Variants in SLC14A2 observed in about 807,000 individuals in gnomAD.
SLC14A2 encodes urea transporter 2.
SLC14A2 carries 91 observed loss-of-function variants against 104.6 expected under a neutral mutation model. The ratio of observed to expected loss-of-function variants is 0.87; its 90% CI spans 0.73 to 1.04. SLC14A2 has a LOEUF of 1.04. Among genes scored for constraint, SLC14A2 ranks in the 50% least tolerant of loss-of-function variants. The probability of loss-of-function intolerance (pLI) is 0.00; values close to 1 mark genes in which losing one functional copy is unlikely to be tolerated. For synonymous variants in SLC14A2, 476 were observed against 466.4 expected (o/e 1.02, Z -0.27); for missense variants, 1,189 against 1,156.0 (o/e 1.03, Z -0.41).
At chr18:45,455,819 G>A (rs76814186) in intron 1 of SLC14A2, among the ~76,000 whole-genome samples, 2,435 of 152,210 alleles carry the variant, frequency 0.016, 61 homozygotes, top group African/African-American at 0.055. Context: ...ATACATTTAC[G>A]TATATTAGAC....
the SLC14A2 span, among the ~76,000 whole-genome samples, chr18:45,187,942 C>T: frequency 3.2e-3 from 486 of 152,036 alleles, 2 homozygotes; most frequent in African/African-American, 0.011. Context: ...ATAGTAGGTT[C>T]CATTTTTTTT....
At chr18:45,594,955 G>A (rs2044700480) in intron 2 of SLC14A2, among the ~76,000 whole-genome samples, 1 of 152,036 alleles carries the variant, frequency 6.6e-6, no homozygotes, top group African/African-American at 2.4e-5. Context: ...ACCCCTGTGA[G>A]ACTTCATCCC....
intron 1 of SLC14A2, among the ~76,000 whole-genome samples, chr18:45,229,319 T>A (rs2084151497): frequency 6.6e-6 from 1 of 152,108 alleles, no homozygotes; most frequent in Non-Finnish European, 1.5e-5. Context: ...AGGTTAAATA[T>A]TAAGGAAAAG....
At chr18:45,384,736 G>C (rs2085876059) in intron 1 of SLC14A2, among the ~76,000 whole-genome samples, 1 of 152,074 alleles carries the variant, frequency 6.6e-6, no homozygotes. Context: ...ATCTCATGTT[G>C]CAAGTGGAAA....
In SLC14A2 at chr18:45,380,558, CT is replaced by C. The variant is rs113873382; in HGVS notation, c.-124-102674del. ...CTATAGTGAGAATGAGAATCTGCAA[CT>C]AGTAAAAAAAGTGGAATGCATTCAT... On this transcript the variant is annotated intron_variant, in intron 1 of 20. Transcript: ENST00000586448. Among the ~76,000 whole-genome samples, 423 of 152,224 alleles carry C rather than the reference CT, an allele frequency of 2.8e-3. 1 individual carries two copies. Among genetic ancestry groups the C allele is most frequent in the African/African-American group, 9.6e-3 (398 of 41,538 alleles).
chr18:45,657,309 T>TAAAAATAC (rs1255728672), intron 10 of SLC14A2, among the ~76,000 whole-genome samples: 2 of 148,914 alleles, frequency 1.3e-5, no homozygotes, highest in African/African-American at 2.5e-5. Flanking sequence ...CCATCTCTAC[T>TAAAAATAC]AAAAATACAA....
chr18:45,581,479 G>C (rs1335494514), intron 2 of SLC14A2, among the ~76,000 whole-genome samples: 1 of 152,200 alleles, frequency 6.6e-6, no homozygotes, highest in Non-Finnish European at 1.5e-5. Context: ...AAAGCTAGAA[G>C]TCAATGGAGA....
At chr18:45,224,812 T>C (rs1599587487) in intron 1 of SLC14A2, among the ~76,000 whole-genome samples, 1 of 152,212 alleles carries the variant, frequency 6.6e-6, no homozygotes, top group African/African-American at 2.4e-5. Flanking sequence ...AGAACTCAGG[T>C]TTGTATCCAT....
intron 1 of SLC14A2, among the ~76,000 whole-genome samples, chr18:45,347,684 T>A (rs2085463473): frequency 6.6e-6 from 1 of 152,216 alleles, no homozygotes; most frequent in African/African-American, 2.4e-5. Context: ...TACCTTATTC[T>A]GATACTTCCA....
intron 1 of SLC14A2, among the ~76,000 whole-genome samples, chr18:45,391,386 A>G (rs1598747987): frequency 6.6e-6 from 1 of 152,228 alleles, no homozygotes; most frequent in African/African-American, 2.4e-5. Flanking sequence ...CAATAAACAT[A>G]CGTATGCATG....
At chr18:45,405,522 A>G (rs1039804892) in intron 1 of SLC14A2, among the ~76,000 whole-genome samples, 2 of 152,200 alleles carry the variant, frequency 1.3e-5, no homozygotes, top group Non-Finnish European at 2.9e-5. Context: ...ATATTATACT[A>G]TATTGTAGTC....
intron 1 of SLC14A2, among the ~76,000 whole-genome samples, chr18:45,263,411 G>A (rs749763479): frequency 2.0e-5 from 3 of 152,150 alleles, no homozygotes; most frequent in Admixed American, 6.6e-5. Flanking sequence ...TGTTTGCCGA[G>A]TTGCTCCACT....
At chr18:45,197,446 T>C in the SLC14A2 span, among the ~76,000 whole-genome samples, 3 of 152,154 alleles carry the variant, frequency 2.0e-5, no homozygotes, top group African/African-American at 7.2e-5. Flanking sequence ...TCCAGCTCTA[T>C]AAACAAGGAA....
Position 45,310,375 on chromosome 18 carries a change from G to A in SLC14A2, c.-125+97184G>A, listed in dbSNP as rs533644340. Reference sequence around the variant, plus strand: ...TGTATCATACTTCGCCAGCCTGATAGGTATGATCATCATTGTTTTGGGCAA... The same window carrying A: ...TGTATCATACTTCGCCAGCCTGATAAGTATGATCATCATTGTTTTGGGCAA... On this transcript the variant is annotated intron_variant, in intron 1 of 20. Coordinates refer to the SLC14A2 transcript ENST00000586448. Among the ~76,000 whole-genome samples, 4 of 152,296 alleles carry A rather than the reference G, an allele frequency of 2.6e-5. No homozygotes were observed. The East Asian group carries it at 7.7e-4, about 29-fold the overall frequency.
chr18:45,640,010 G>A (rs545405727), intron 7 of SLC14A2, 117 bp downstream of exon 7: 5 of 998,804 alleles, frequency 5.0e-6, no homozygotes, highest in African/African-American at 4.9e-5. Context: ...ATACTTTCAG[G>A]GAGACAGGCA....
intron 1 of SLC14A2, among the ~76,000 whole-genome samples, chr18:45,363,881 A>G (rs1223387355): frequency 6.6e-6 from 1 of 152,092 alleles, no homozygotes; most frequent in African/African-American, 2.4e-5. Flanking sequence ...AACAGATGAG[A>G]GGTGAGGCTC....
intron 18 of SLC14A2, among the ~76,000 whole-genome samples, chr18:45,678,120 T>C (rs2046256381): frequency 6.6e-6 from 1 of 152,128 alleles, no homozygotes; most frequent in South Asian, 2.1e-4. Flanking sequence ...CTCCCAGTCG[T>C]GTAACTCATT....
At chr18:45,441,845 C>A (rs533636798) in intron 1 of SLC14A2, among the ~76,000 whole-genome samples, 1 of 152,240 alleles carries the variant, frequency 6.6e-6, no homozygotes, top group South Asian at 2.1e-4. Context: ...AGAAATGAAA[C>A]GAGAAGATTG....
chr18:45,604,313 G>T (rs2044833820), intron 2 of SLC14A2, among the ~76,000 whole-genome samples: 1 of 152,142 alleles, frequency 6.6e-6, no homozygotes, highest in African/African-American at 2.4e-5. Context: ...TCATGTGGAG[G>T]CATGTTACCA....
Sources: allele counts gnomAD v4.1 joint callset (sites outside exome capture counted in the v4.1 genomes callset), GRCh38; gene constraint gnomAD v4.1.1; transcripts MANE v1.5; gene names NCBI Gene and HGNC (gene_info 2026-07-23, HGNC 2026-07-21).